Variants in LGR5 observed in about 807,000 individuals in gnomAD.
LGR5 encodes leucine rich repeat containing G protein-coupled receptor 5.
In LGR5, 54 loss-of-function variants were observed where a neutral mutation model predicts 76.7. The observed-to-expected ratio is 0.70, with a 90% CI of 0.57 to 0.88. The LOEUF is 0.88. Ranked by LOEUF, LGR5 falls within the 40% of genes least tolerant of loss-of-function variation. The pLI, the probability that LGR5 is intolerant of heterozygous loss-of-function variation, is 0.00. For missense variants in LGR5, 1,078 were observed against 1,073.3 expected (o/e 1.00, Z -0.06); for synonymous variants, 406 against 421.9 (o/e 0.96, Z 0.46).
At chr12:71,574,518 C>T (rs1411895409) in intron 13 of LGR5, among the ~76,000 whole-genome samples, 1 of 152,130 alleles carries the variant, frequency 6.6e-6, no homozygotes, top group Non-Finnish European at 1.5e-5. Context: ...ATCCTCCCAA[C>T]CAGTCCTTCT....
chr12:71,485,326 T>G (rs561765466), intron 1 of LGR5, among the ~76,000 whole-genome samples: 25 of 152,228 alleles, frequency 1.6e-4, no homozygotes, highest in African/African-American at 5.8e-4. Context: ...AAGAAGTAAT[T>G]TATGAATTGA....
rs758731190 is a variant in LGR5 at position 71,584,732 on chromosome 12, TA to T, written c.2724del (p.Ter908TyrfsTer2). On this transcript the variant is annotated frameshift_variant and stop_lost, in exon 18 of 18. Coordinates refer to ENST00000266674, the MANE Select transcript of LGR5 (RefSeq NM_003667.4). LOFTEE classifies it high-confidence loss of function. ...LSSVAFVPCL[*>X] is the part of the protein sequence containing the mutation. ...CTCTGTGGCATTTGTCCCATGTCTC[TA>T]ATTAATATGTGAAGGAAAATGTTTT... is the stretch of plus-strand genomic sequence containing the variant. 124 of 1,607,058 alleles carry T rather than the reference TA, an allele frequency of 7.7e-5. 3 individuals carry two copies. In the African/African-American group the frequency reaches 9.1e-4, roughly 12 times the overall value.
intron 1 of LGR5, among the ~76,000 whole-genome samples, chr12:71,484,482 A>G (rs535373756): frequency 1.3e-5 from 2 of 152,274 alleles, no homozygotes; most frequent in East Asian, 1.9e-4. Context: ...ATTCACTGCT[A>G]TGGATTTAAA....
At chr12:71,488,223 G>A (rs553117169) in intron 1 of LGR5, among the ~76,000 whole-genome samples, 6 of 152,306 alleles carry the variant, frequency 3.9e-5, no homozygotes, top group South Asian at 4.1e-4. Context: ...TGTATTAAAT[G>A]TAAAACAAAA....
chr12:71,468,675 A>G (rs917217869), intron 1 of LGR5, among the ~76,000 whole-genome samples: 1 of 148,166 alleles, frequency 6.7e-6, no homozygotes, highest in African/African-American at 2.5e-5. Context: ...CTCCCACTAC[A>G]GAAGACAACT....
chr12:71,566,598 T>C, intron 9 of LGR5, 34 bp from the exon 10 acceptor site: 1 of 1,572,342 alleles, frequency 6.4e-7, no homozygotes, highest in Non-Finnish European at 8.8e-7. Flanking sequence ...TCTAGAATCT[T>C]CTACCAGTAA....
intron 2 of LGR5, among the ~76,000 whole-genome samples, chr12:71,512,231 C>G (rs937912039): frequency 2.6e-5 from 4 of 152,148 alleles, no homozygotes. Flanking sequence ...TCTCAAGGAT[C>G]CACCTGCCTT....
chr12:71,561,965 G>A (rs1381531004), intron 8 of LGR5, 113 bp downstream of exon 8: 1 of 635,204 alleles, frequency 1.6e-6, no homozygotes. Flanking sequence ...GTCAATCTAA[G>A]AGTTCATACA....
At chr12:71,540,165 A>C (rs1022205737) in intron 4 of LGR5, among the ~76,000 whole-genome samples, 23 of 152,182 alleles carry the variant, frequency 1.5e-4, no homozygotes, top group Non-Finnish European at 1.5e-5. Context: ...CTATTTAAAA[A>C]ATTGCTTCAT....
At chr12:71,546,656 C>T (rs1057258977) in intron 4 of LGR5, among the ~76,000 whole-genome samples, 1 of 152,116 alleles carries the variant, frequency 6.6e-6, no homozygotes, top group Admixed American at 6.6e-5. Context: ...CTGATGACTG[C>T]AACTGCCTTG....
chr12:71,476,898 A>G (rs888336426), intron 1 of LGR5, among the ~76,000 whole-genome samples: 2 of 152,228 alleles, frequency 1.3e-5, no homozygotes, highest in East Asian at 1.9e-4. Flanking sequence ...CATAACTGCT[A>G]TGTGGTCCCA....
chr12:71,584,392 A>G lies in LGR5; in HGVS notation c.2382A>G (p.Thr794=). The G allele has an allele frequency of 6.2e-7, 1 of 1,614,060 alleles. No individual in the cohort carries two copies. The highest frequency in any genetic ancestry group is 8.5e-7 in the Non-Finnish European group (1 of 1,179,998). ...CCTTCTCCTCTTTAATAAACCTTAC[A>G]TTTATCAGTCCTGAAGTAATTAAGT... is the stretch of plus-strand genomic sequence containing the variant. ...FLSFSSLINL[T]FISPEVIKFI... Residue 794 remains threonine, a synonymous_variant, in exon 18 of 18, where the codon ACA becomes ACG. Coordinates refer to ENST00000266674, the MANE Select transcript of LGR5 (RefSeq NM_003667.4).
At chr12:71,475,032 G>C (rs67284654) in intron 1 of LGR5, among the ~76,000 whole-genome samples, 2 of 152,076 alleles carry the variant, frequency 1.3e-5, no homozygotes, top group African/African-American at 4.8e-5. Flanking sequence ...GTTTTGATCT[G>C]TGACTAATTG....
intron 4 of LGR5, among the ~76,000 whole-genome samples, chr12:71,546,011 G>A (rs2137393408): frequency 6.6e-6 from 1 of 152,314 alleles, no homozygotes; most frequent in Non-Finnish European, 1.5e-5. Flanking sequence ...TTTATTTGGT[G>A]GCAGGGGCAG....
chr12:71,451,469 C>T (rs967195182), intron 1 of LGR5, among the ~76,000 whole-genome samples: 3 of 152,132 alleles, frequency 2.0e-5, no homozygotes, highest in African/African-American at 7.2e-5. Context: ...TCCAGGTGTT[C>T]ACATGTGTTG....
At chr12:71,531,639 G>GAGACA (rs1876314767) in intron 3 of LGR5, among the ~76,000 whole-genome samples, 1 of 152,118 alleles carries the variant, frequency 6.6e-6, no homozygotes, top group Non-Finnish European at 1.5e-5. Context: ...AGGCCAAGGT[G>GAGACA]GGTAGATCAT....
chr12:71,504,299 A>G (rs1032779094), intron 1 of LGR5, among the ~76,000 whole-genome samples: 4 of 152,142 alleles, frequency 2.6e-5, no homozygotes, highest in African/African-American at 4.8e-5. Context: ...GAGTTGAGTT[A>G]TGTCTGTTTC....
chr12:71,465,126 T>C (rs1463443629), intron 1 of LGR5, among the ~76,000 whole-genome samples: 1 of 152,128 alleles, frequency 6.6e-6, no homozygotes, highest in African/African-American at 2.4e-5. Context: ...AAGGAGCCTC[T>C]CTTTAATCGT....
intron 7 of LGR5, 58 bp from the exon 8 acceptor site, chr12:71,561,723 C>T (rs748176992): frequency 2.0e-4 from 193 of 962,836 alleles, no homozygotes; most frequent in Non-Finnish European, 3.0e-4. Context: ...GGGTGGGGGC[C>T]TCTATTAAAT....
Sources: allele counts gnomAD v4.1 joint callset (sites outside exome capture counted in the v4.1 genomes callset), GRCh38; gene constraint gnomAD v4.1.1; transcripts MANE v1.5; gene names NCBI Gene and HGNC (gene_info 2026-07-23, HGNC 2026-07-21).